The following OR51B5 variants were observed in gnomAD, a reference collection of about 807,000 sequenced individuals.
The protein encoded by OR51B5 is olfactory receptor family 51 subfamily B member 5, also known as olfactory receptor 51B5.
For synonymous variants in OR51B5, 186 were observed against 144.8 expected, an observed-to-expected ratio of 1.28 and a Z score of -2.04; for missense variants, 456 against 374.6, an observed-to-expected ratio of 1.22 and a Z score of -1.79.
intron 1 of OR51B5, among the ~76,000 whole-genome samples, chr11:5,447,072 T>C (rs1850777244): frequency 6.6e-6 from 1 of 152,194 alleles, no homozygotes; most frequent in Non-Finnish European, 1.5e-5. Flanking sequence ...CTTTGCATGG[T>C]GCTGACCATG....
chr11:5,405,543 T>C (rs1850045993), intron 1 of OR51B5, among the ~76,000 whole-genome samples: 2 of 148,888 alleles, frequency 1.3e-5, no homozygotes, highest in Admixed American at 6.7e-5. Context: ...TTTTTTTTTC[T>C]ACATTCTCTA....
At chr11:5,379,213 A>G (rs1476531723) in intron 1 of OR51B5, among the ~76,000 whole-genome samples, 1 of 152,082 alleles carries the variant, frequency 6.6e-6, no homozygotes, top group Non-Finnish European at 1.5e-5. Flanking sequence ...TCGCAAGGAC[A>G]AAAAACCAAA....
intron 1 of OR51B5, among the ~76,000 whole-genome samples, chr11:5,477,923 G>A (rs1284309580): frequency 6.6e-6 from 1 of 151,966 alleles, no homozygotes; most frequent in East Asian, 1.9e-4. Flanking sequence ...AAGGCAGCAG[G>A]GAGGCTGGGG....
chr11:5,380,478 C>T (rs1291684860), intron 1 of OR51B5, among the ~76,000 whole-genome samples: 1 of 152,048 alleles, frequency 6.6e-6, no homozygotes, highest in African/African-American at 2.4e-5. Context: ...GTGAGGTGAC[C>T]TTGTGGCCAT....
upstream of OR51B5, among the ~76,000 whole-genome samples, chr11:5,344,961 A>C (rs907023586): frequency 6.6e-6 from 1 of 152,176 alleles, no homozygotes; most frequent in Non-Finnish European, 1.5e-5. Context: ...CTGAGACCTC[A>C]ATACAAAAGA....
At chr11:5,444,135 A>G (rs1056367935) in intron 1 of OR51B5, among the ~76,000 whole-genome samples, 7 of 152,190 alleles carry the variant, frequency 4.6e-5, no homozygotes, top group African/African-American at 1.4e-4. Flanking sequence ...CAGCATTAAC[A>G]AAACCACAAT....
At chr11:5,468,396 G>T in intron 1 of OR51B5, 1 of 288,428 alleles carries the variant, frequency 3.5e-6, no homozygotes, top group Non-Finnish European at 6.8e-6. Flanking sequence ...TCTGGAGGGA[G>T]ATTGAAAGGC....
exon 1 of OR51B5, chr11:5,343,224 A>C (rs1286534067): frequency 6.2e-7 from 1 of 1,613,892 alleles, no homozygotes; most frequent in Non-Finnish European, 8.5e-7. Context: ...GAGTGTATAA[A>C]GTAGGCCTGG....
At chr11:5,469,055 T>A (rs1851183567) in intron 1 of OR51B5, 3 of 267,976 alleles carry the variant, frequency 1.1e-5, no homozygotes, top group South Asian at 1.1e-4. Flanking sequence ...CACATAGTGG[T>A]CAAAACTCAT....
intron 1 of OR51B5, chr11:5,468,967 G>A: frequency 2.9e-6 from 1 of 348,718 alleles, no homozygotes; most frequent in South Asian, 2.1e-5. Context: ...AGAAGCTGCG[G>A]ATGACAATGG....
intron 1 of OR51B5, among the ~76,000 whole-genome samples, chr11:5,488,102 T>G (rs930215092): frequency 3.3e-5 from 5 of 152,196 alleles, no homozygotes; most frequent in African/African-American, 1.2e-4. Context: ...TTATTGAAGT[T>G]GTCAAAATGT....
intron 1 of OR51B5, among the ~76,000 whole-genome samples, chr11:5,426,378 T>C: frequency 6.6e-6 from 1 of 152,234 alleles, no homozygotes; most frequent in South Asian, 2.1e-4. Flanking sequence ...AAAAATTATT[T>C]AAGACATTAT....
At chr11:5,351,425 A>G in intron 1 of OR51B5, 6 of 1,018,608 alleles carry the variant, frequency 5.9e-6, no homozygotes, top group Non-Finnish European at 8.6e-6. Flanking sequence ...ATGAACAGGT[A>G]GAATTCTCAA....
chr11:5,444,804 A>G (rs1268237323), intron 1 of OR51B5, among the ~76,000 whole-genome samples: 1 of 152,142 alleles, frequency 6.6e-6, no homozygotes, highest in Non-Finnish European at 1.5e-5. Flanking sequence ...TTGGGCCATA[A>G]GAGAATTGCT....
At chr11:5,407,603 A>G (rs193261224) in intron 1 of OR51B5, among the ~76,000 whole-genome samples, 2 of 152,232 alleles carry the variant, frequency 1.3e-5, no homozygotes, top group East Asian at 3.9e-4. Context: ...ATACCTGAAT[A>G]AATACATGTG....
chr11:5,451,330 CTTCTCT>C (rs1386908984), intron 1 of OR51B5, among the ~76,000 whole-genome samples: 1 of 152,194 alleles, frequency 6.6e-6, no homozygotes, highest in Non-Finnish European at 1.5e-5. Flanking sequence ...TTTCTTCTCC[CTTCTCT>C]TTCTGTTACT....
At chr11:5,400,918 C>A (rs1020910208) in intron 1 of OR51B5, among the ~76,000 whole-genome samples, 4 of 152,180 alleles carry the variant, frequency 2.6e-5, no homozygotes, top group African/African-American at 9.7e-5. Flanking sequence ...AAAGTTCATA[C>A]AAGAATCAGA....
intron 1 of OR51B5, among the ~76,000 whole-genome samples, chr11:5,400,528 T>A (rs1318583469): frequency 1.3e-5 from 2 of 152,198 alleles, no homozygotes; most frequent in Non-Finnish European, 2.9e-5. Flanking sequence ...TTAGCTGAAA[T>A]GCCACTTTCC....
intron 1 of OR51B5, among the ~76,000 whole-genome samples, chr11:5,504,797 A>C (rs1345125397): frequency 6.6e-6 from 1 of 152,214 alleles, no homozygotes; most frequent in Admixed American, 6.5e-5. Flanking sequence ...GGTAGAAGAC[A>C]GTGACCCTCC....
Sources: allele counts gnomAD v4.1 joint callset (sites outside exome capture counted in the v4.1 genomes callset), GRCh38; gene constraint gnomAD v4.1.1; transcripts MANE v1.5; gene names NCBI Gene and HGNC (gene_info 2026-07-23, HGNC 2026-07-21).